Variants in NPHP4 observed in about 807,000 individuals in gnomAD.
NPHP4 encodes nephrocystin 4, also known as nephrocystin-4.
A neutral mutation model predicts 155.8 loss-of-function variants in NPHP4; 151 were observed. That is an observed-to-expected ratio of 0.97 (90% CI 0.85 to 1.11). The LOEUF (loss-of-function observed/expected upper bound fraction) is 1.11. NPHP4 is among the 50% of genes least tolerant of loss of function. The pLI is 0.00. For synonymous variants in NPHP4, 845 were observed against 816.8 expected (o/e 1.03, Z -0.59); for missense variants, 1,956 against 1,925.7 (o/e 1.02, Z -0.29).
chr1:5,964,933 A>ATT (rs1327414741), intron 5 of NPHP4, among the ~76,000 whole-genome samples: 4 of 23,782 alleles, frequency 1.7e-4, no homozygotes, highest in African/African-American at 1.2e-3. Context: ...ATATATATAT[A>ATT]TATATATATT....
intron 21 of NPHP4, 80 bp from the exon 22 acceptor site, chr1:5,874,737 G>C: frequency 6.5e-7 from 1 of 1,533,846 alleles, no homozygotes; most frequent in Non-Finnish European, 8.9e-7. Context: ...CCCACCGAGA[G>C]CGGTGCTCAG....
intron 1 of NPHP4, among the ~76,000 whole-genome samples, chr1:5,988,771 C>T (rs1053484820): frequency 2.6e-5 from 4 of 151,438 alleles, no homozygotes; most frequent in Admixed American, 6.6e-5. Context: ...CGCCTCCACC[C>T]ACAGTGCACC....
At chr1:5,941,367 T>C (rs1447126999) in intron 9 of NPHP4, among the ~76,000 whole-genome samples, 3 of 146,766 alleles carry the variant, frequency 2.0e-5, no homozygotes, top group Non-Finnish European at 4.5e-5. Flanking sequence ...CCTCTATGAC[T>C]GGGGAACGAA....
chr1:5,949,305 C>CAAGTAGGGTA (rs1236548042), intron 7 of NPHP4, among the ~76,000 whole-genome samples: 1 of 147,632 alleles, frequency 6.8e-6, no homozygotes, highest in Admixed American at 6.8e-5. Flanking sequence ...TTTTCAAGAA[C>CAAGTAGGGTA]GGGTAGGGAG....
At chr1:5,975,095 T>TGC (rs1388821548) in intron 3 of NPHP4, among the ~76,000 whole-genome samples, 1 of 152,134 alleles carries the variant, frequency 6.6e-6, no homozygotes, top group Non-Finnish European at 1.5e-5. Context: ...GCAGACAGGG[T>TGC]GCGAACATGC....
intron 6 of NPHP4, among the ~76,000 whole-genome samples, chr1:5,960,569 C>A (rs563706964): frequency 1.3e-5 from 2 of 152,222 alleles, no homozygotes; most frequent in South Asian, 4.2e-4. Flanking sequence ...CTTCCTGGAA[C>A]CCAGCAGGGA....
At chr1:5,964,942 T>TATATATATATATATATATATA (rs1553194795) in intron 5 of NPHP4, among the ~76,000 whole-genome samples, 5 of 44,528 alleles carry the variant, frequency 1.1e-4, no homozygotes, top group African/African-American at 4.9e-4. Context: ...TATATATATA[T>TATATATATATATATATATATA]TTTTTTTTTT....
intron 16 of NPHP4, among the ~76,000 whole-genome samples, chr1:5,898,070 T>C (rs1451942886): frequency 1.3e-5 from 2 of 152,072 alleles, no homozygotes; most frequent in Non-Finnish European, 2.9e-5. Flanking sequence ...GCTGGTCTGA[T>C]GGAGATGCCT....
chr1:5,989,753 G>C (rs1411088992), intron 1 of NPHP4, among the ~76,000 whole-genome samples: 1 of 152,182 alleles, frequency 6.6e-6, no homozygotes, highest in Non-Finnish European at 1.5e-5. Context: ...CCAGATTTCT[G>C]ACCCGGTGCC....
chr1:5,863,600 C>T (rs544367302), intron 29 of NPHP4, 195 bp from the exon 30 acceptor site: 11 of 660,756 alleles, frequency 1.7e-5, no homozygotes, highest in Non-Finnish European at 2.6e-5. Context: ...CAGTGTGACG[C>T]GTTACTTGGA....
chr1:5,945,209 T>TC (rs1276613771), intron 9 of NPHP4, among the ~76,000 whole-genome samples: 1 of 149,112 alleles, frequency 6.7e-6, no homozygotes, highest in Non-Finnish European at 1.5e-5. Flanking sequence ...CCTCCCCACC[T>TC]CCCCCCACAG....
At chr1:5,960,456 G>T (rs575837606) in intron 6 of NPHP4, among the ~76,000 whole-genome samples, 1 of 152,028 alleles carries the variant, frequency 6.6e-6, no homozygotes, top group Non-Finnish European at 1.5e-5. Flanking sequence ...GACCTGCGCC[G>T]GAGCCGAGCT....
rs190195176 is a variant in NPHP4 at position 5,867,969 on chromosome 1, G to A, written c.3316-73C>T. On this transcript the variant is annotated intron_variant, in intron 23 of 29. Coordinates refer to ENST00000378156, the MANE Select transcript of NPHP4 (RefSeq NM_015102.5). The surrounding 1 kb of genome is among the most constrained non-coding windows in gnomAD (Gnocchi z 4.1). ...GCAGCTTCTTGTCCCTCCTTAGACA[G>A]CACACGTATCTCCACTGTTGCCAAG... is the stretch of plus-strand genomic sequence containing the variant. The A allele has an allele frequency of 9.7e-5, 146 of 1,501,098 alleles. No individual in the cohort carries two copies. In the African/African-American group the frequency reaches 1.7e-3, roughly 17 times the overall value. 93.0% of individuals were successfully genotyped at this position (1,501,098 alleles called of 1,614,324 possible). A position where few individuals can be genotyped will look rare whatever the true frequency, so the allele number is the denominator to read the frequency against.
chr1:5,897,550 A>C (rs1003474585), intron 16 of NPHP4, among the ~76,000 whole-genome samples: 2 of 152,166 alleles, frequency 1.3e-5, no homozygotes, highest in African/African-American at 4.8e-5. Context: ...ACGGGGGATA[A>C]AGCAACAAGT....
chr1:5,872,133 A>T (rs1642068655), intron 23 of NPHP4, among the ~76,000 whole-genome samples: 1 of 152,260 alleles, frequency 6.6e-6, no homozygotes, highest in Non-Finnish European at 1.5e-5. Flanking sequence ...TGCAAATTCC[A>T]GGAAGGTCAC....
At chr1:5,927,954 A>C (rs573337599) in intron 10 of NPHP4, among the ~76,000 whole-genome samples, 167 bp from the exon 11 acceptor site, 1 of 152,308 alleles carries the variant, frequency 6.6e-6, no homozygotes, top group Non-Finnish European at 1.5e-5. Context: ...TTGAGCAAAA[A>C]GCAATTGGTG....
chr1:5,937,011 G>A lies in NPHP4; in HGVS notation c.1120-3682C>T, dbSNP rs1289747781. Among the ~76,000 whole-genome samples, 6 of 152,348 alleles carry A rather than the reference G, an allele frequency of 3.9e-5. No homozygotes were observed. In the South Asian group the frequency reaches 6.2e-4, roughly 16 times the overall value. On this transcript the variant is annotated intron_variant, in intron 9 of 29. Coordinates refer to ENST00000378156, the MANE Select transcript of NPHP4 (RefSeq NM_015102.5). ...AGAAGAGGCCACATGACGAGGGGGC[G>A]GAGAACGGAGTGATATGGCCACAGG... is the stretch of plus-strand genomic sequence containing the variant.
Position 5,969,192 on chromosome 1 carries a change from C to T in NPHP4, c.347G>A (p.Gly116Asp). ...IVAVVEVVAEGKKRDGSLQTL... is the reference protein window; with the variant it reads ...IVAVVEVVAEDKKRDGSLQTL... ...CTGGAGGCTCCCATCCCGTTTCTTG[C>T]CCTCAGCGACCACTTCCACCACAGC... The change falls in exon 4 of 30, where the codon GGC (glycine) becomes GAC (aspartate). Residue 116 changes from glycine to aspartate, a missense_variant. Transcript: ENST00000378156. The T allele has an allele frequency of 6.3e-7, 1 of 1,578,862 alleles. No homozygotes were observed. The highest frequency in any genetic ancestry group is 8.6e-7 in the Non-Finnish European group (1 of 1,161,216).
chr1:5,962,249 A>G (rs932650371), intron 5 of NPHP4, among the ~76,000 whole-genome samples: 2 of 152,160 alleles, frequency 1.3e-5, no homozygotes, highest in African/African-American at 4.8e-5. Flanking sequence ...GTGTAATCAT[A>G]GCTTCCTGAA....
Sources: gnomAD v4.1 joint callset for allele counts (sites outside exome capture counted in the v4.1 genomes callset) on GRCh38, gnomAD v4.1.1 for gene constraint, Gnocchi (gnomAD v3.1) non-coding constraint, MANE v1.5 for transcripts, NCBI Gene and HGNC (gene_info 2026-07-23, HGNC 2026-07-21) for gene names.